The following XK variants were observed in gnomAD, a reference collection of about 807,000 sequenced individuals.
XK encodes the protein X-linked Kx blood group antigen, Kell and VPS13A binding protein.
Under a neutral mutation model 14.0 loss-of-function variants are expected in XK, and 2 were observed. That is an observed-to-expected ratio of 0.14 (90% confidence interval 0.06 to 0.45). The LOEUF is 0.45. Among genes scored for constraint, XK ranks in the 20% least tolerant of loss-of-function variants. The pLI, the probability that XK is intolerant of heterozygous loss-of-function variation, is 0.98. For synonymous variants in XK, 149 were observed against 147.5 expected (o/e 1.01, Z -0.08); for missense variants, 235 against 341.5 (o/e 0.69, Z 2.46).
intron 2 of XK, among the ~76,000 whole-genome samples, chrX:37,713,601 T>G (rs1927708684): frequency 9.3e-6 from 1 of 107,255 alleles, no homozygotes; most frequent in Non-Finnish European, 1.9e-5. Context: ...GAAGAATGCC[T>G]CTTTTTTTTT....
chrX:37,722,471 A>G (rs1464274057), intron 2 of XK, among the ~76,000 whole-genome samples: 1 of 111,599 alleles, frequency 9.0e-6, no homozygotes, highest in Non-Finnish European at 1.9e-5. Flanking sequence ...AGATCGTAAG[A>G]AAGACTCTTT....
intron 2 of XK, among the ~76,000 whole-genome samples, chrX:37,717,813 T>C (rs1011324360): frequency 2.4e-4 from 27 of 112,074 alleles, no homozygotes; most frequent in African/African-American, 8.4e-4. Context: ...AGTAAGACTT[T>C]AAGAATTTTC....
chrX:37,715,150 G>T (rs1927744074), intron 2 of XK, among the ~76,000 whole-genome samples: 1 of 109,940 alleles, frequency 9.1e-6, no homozygotes, highest in Non-Finnish European at 1.9e-5. Context: ...GTGTGTGTGT[G>T]TGTATATATA....
chrX:37,692,478 G>A lies in XK; in HGVS notation c.246-1808G>A, dbSNP rs782592765. On this transcript the variant is annotated intron_variant, in intron 1 of 2. Transcript: ENST00000378616. The stretch of plus-strand genomic sequence containing the variant: ...GTCACCCAGGCTGGAGTGCAGTGGC[G>A]CAATCTTCGCCTCTTGTGTTCAAGC... 1.5e-3 allele frequency among the ~76,000 whole-genome samples: 166 copies of A among 111,966 alleles called. 1 individual carries two copies. The highest frequency in any genetic ancestry group is 5.1e-3 in the African/African-American group (156 of 30,864).
chrX:37,715,627 T>C (rs781983484), intron 2 of XK, among the ~76,000 whole-genome samples: 6 of 111,789 alleles, frequency 5.4e-5, no homozygotes, highest in Non-Finnish European at 1.1e-4. Flanking sequence ...ATATATCTGA[T>C]AGTAGATTGG....
At position 37,731,698 on chromosome X, in the gene XK, A is replaced by G. The variant is rs1928092801; in HGVS notation, c.*3236A>G. 8.9e-6 allele frequency: 1 copy of G among 111,886 alleles called. No homozygotes were observed. Among genetic ancestry groups the G allele is most frequent in the Non-Finnish European group, 1.9e-5 (1 of 53,109 alleles). The allele number at this position is 111,886 out of a possible 1,213,427, so 9.2% of individuals were successfully genotyped here. ...GACAGGTGCCCTTTCTCTTACCACT[A>G]GTTGCTTACAAAAATAGCACCCAAA... On this transcript the variant is annotated 3_prime_UTR_variant, in exon 3 of 3. Coordinates refer to ENST00000378616, the MANE Select transcript of XK (RefSeq NM_021083.4).
intron 2 of XK, among the ~76,000 whole-genome samples, chrX:37,721,561 T>C (rs1276506073): frequency 9.0e-6 from 1 of 111,441 alleles, no homozygotes; most frequent in Non-Finnish European, 1.9e-5. Flanking sequence ...GAAATGTTGA[T>C]GAAGATGTGG....
Position 37,729,808 on chromosome X carries a change from T to C in XK, c.*1346T>C, listed in dbSNP as rs1928051989. On this transcript the variant is annotated 3_prime_UTR_variant, in exon 3 of 3. Coordinates refer to ENST00000378616, the MANE Select transcript of XK (RefSeq NM_021083.4). The stretch of plus-strand genomic sequence containing the variant: ...ACTCTATGGACTCGATTTTACCATA[T>C]GGAATAGGGATCCACTTCTCTGTTA... The C allele has an allele frequency of 1.8e-5, 2 of 111,734 alleles. No individual in the cohort carries two copies. Among genetic ancestry groups the C allele is most frequent in the African/African-American group, 6.5e-5 (2 of 30,774 alleles). 9.2% of individuals were successfully genotyped at this position (111,734 alleles called of 1,213,427 possible). A position where few individuals can be genotyped will look rare whatever the true frequency, so the allele number is the denominator to read the frequency against.
intron 2 of XK, among the ~76,000 whole-genome samples, chrX:37,725,569 G>T (rs1230892924): frequency 9.0e-6 from 1 of 110,961 alleles, no homozygotes; most frequent in Non-Finnish European, 1.9e-5. Context: ...CTTACCCTGC[G>T]ATCCAGCAAA....
intron 1 of XK, among the ~76,000 whole-genome samples, chrX:37,693,850 C>A (rs1475144742): frequency 8.9e-6 from 1 of 111,794 alleles, no homozygotes; most frequent in Non-Finnish European, 1.9e-5. Flanking sequence ...ACTATATAAT[C>A]ACCATTTTTC....
At chrX:37,698,231 G>A (rs1927339952) in intron 2 of XK, among the ~76,000 whole-genome samples, 1 of 111,460 alleles carries the variant, frequency 9.0e-6, no homozygotes, top group Admixed American at 9.5e-5. Context: ...CTTGATTTGT[G>A]CCAGGCACTG....
chrX:37,688,865 A>G (rs1927148936), intron 1 of XK, among the ~76,000 whole-genome samples: 1 of 111,974 alleles, frequency 8.9e-6, no homozygotes, highest in Admixed American at 9.5e-5. Flanking sequence ...TAATTTCTGA[A>G]TAGTGGGGTT....
chrX:37,724,212 A>G (rs1927933186), intron 2 of XK, among the ~76,000 whole-genome samples: 1 of 111,578 alleles, frequency 9.0e-6, no homozygotes, highest in African/African-American at 3.2e-5. Context: ...ATTCCTATAC[A>G]TTTTAAATTG....
chrX:37,686,429 C>T (rs1927077973), intron 1 of XK, among the ~76,000 whole-genome samples: 1 of 112,061 alleles, frequency 8.9e-6, no homozygotes, highest in African/African-American at 3.2e-5. Context: ...TGTTAGGTTC[C>T]GTCAAATGAA....
intron 2 of XK, among the ~76,000 whole-genome samples, chrX:37,704,210 G>T (rs1927467757): frequency 9.0e-6 from 1 of 111,217 alleles, no homozygotes; most frequent in African/African-American, 3.3e-5. Context: ...TGATTGTAGG[G>T]TCATTAGGGA....
At chrX:37,722,665 A>G (rs1927901643) in intron 2 of XK, among the ~76,000 whole-genome samples, 1 of 112,071 alleles carries the variant, frequency 8.9e-6, no homozygotes, top group Non-Finnish European at 1.9e-5. Flanking sequence ...TGAAAAGTCT[A>G]TTCCATAAAA....
chrX:37,691,923 G>A (rs1163722125), intron 1 of XK, among the ~76,000 whole-genome samples: 2 of 111,067 alleles, frequency 1.8e-5, no homozygotes, highest in Non-Finnish European at 3.8e-5. Context: ...GCCAGCAGTT[G>A]GAGGCTGCAG....
intron 2 of XK, among the ~76,000 whole-genome samples, chrX:37,700,133 C>G (rs1448216433): frequency 1.8e-5 from 2 of 111,632 alleles, no homozygotes; most frequent in Non-Finnish European, 3.8e-5. Flanking sequence ...TTGTTATTCT[C>G]TAGTATCTGA....
rs915205345 is a variant in XK at position 37,727,784 on chromosome X, T to C, written c.657T>C (p.Ile219=). The C allele has an allele frequency of 3.3e-6, 4 of 1,211,199 alleles. No homozygotes were observed. Among genetic ancestry groups the C allele is most frequent in the Non-Finnish European group, 4.5e-6 (4 of 895,322 alleles). Residue 219 remains isoleucine, a synonymous_variant, in exon 3 of 3, where the codon ATT becomes ATC. Coordinates refer to ENST00000378616, the MANE Select transcript of XK (RefSeq NM_021083.4). ...TCTTCCTGTGGAGGAGCTTTGAGATTGCCACTCGAGTTGTAGTCCTGGTCC... is the reference window on the plus strand; with the variant it reads ...TCTTCCTGTGGAGGAGCTTTGAGATCGCCACTCGAGTTGTAGTCCTGGTCC... The part of the protein sequence containing the change: ...VCIFLWRSFE[I]ATRVVVLVLF...
Sources: allele counts gnomAD v4.1 joint callset (sites outside exome capture counted in the v4.1 genomes callset), GRCh38; gene constraint gnomAD v4.1.1; transcripts MANE v1.5; gene names NCBI Gene and HGNC (gene_info 2026-07-23, HGNC 2026-07-21).